The following OSBPL9 variants were observed in gnomAD, a reference collection of about 807,000 sequenced individuals.
OSBPL9 encodes the protein oxysterol-binding protein-related protein 9.
Under a neutral mutation model 106.6 loss-of-function variants are expected in OSBPL9, and 40 were observed. That is an observed-to-expected ratio of 0.38 (90% confidence interval 0.29 to 0.49). The LOEUF (loss-of-function observed/expected upper bound fraction) is 0.49. Ranked by LOEUF, OSBPL9 falls within the 20% of genes least tolerant of loss-of-function variation. The probability of loss-of-function intolerance (pLI) is 0.97; values close to 1 mark genes in which losing one functional copy is unlikely to be tolerated. For missense variants in OSBPL9, 609 were observed against 887.2 expected, an observed-to-expected ratio of 0.69 and a Z score of 3.98; for synonymous variants, 269 against 295.4, an observed-to-expected ratio of 0.91 and a Z score of 0.92.
intron 21 of OSBPL9, 182 bp from the exon 22 acceptor site, chr1:51,786,344 C>T: frequency 1.9e-6 from 1 of 539,350 alleles, no homozygotes; most frequent in Non-Finnish European, 3.3e-6. Context: ...AGAACTTGCA[C>T]TCTGTACTAC....
chr1:51,712,325 A>G (rs1660225884), intron 3 of OSBPL9, among the ~76,000 whole-genome samples: 3 of 152,266 alleles, frequency 2.0e-5, no homozygotes, highest in Admixed American at 6.5e-5. Flanking sequence ...TCAGGCAGGG[A>G]GGTTGCAGTG....
intron 1 of OSBPL9, among the ~76,000 whole-genome samples, chr1:51,592,300 A>G (rs985873236): frequency 7.2e-5 from 11 of 151,918 alleles, no homozygotes; most frequent in South Asian, 4.1e-4. Flanking sequence ...ATTTTTTAGT[A>G]GAGACAGGGT....
rs112618361 is a variant in OSBPL9 at position 51,589,152 on chromosome 1, G to A, written c.-422-8972G>A. On this transcript the variant is annotated intron_variant, in intron 1 of 25. Transcript: ENST00000371714. ...CACCCAGGCTGGAGTGCAGTGGCACGATCTCAACTCACTGCAGCCTTGAAC... is the reference window on the plus strand; with the variant it reads ...CACCCAGGCTGGAGTGCAGTGGCACAATCTCAACTCACTGCAGCCTTGAAC... 7.3e-3 allele frequency among the ~76,000 whole-genome samples: 1,105 copies of A among 151,634 alleles called. 12 individuals carry two copies. Among genetic ancestry groups the A allele is most frequent in the African/African-American group, 0.026 (1,059 of 41,296 alleles).
At chr1:51,535,027 C>A in the OSBPL9 span, among the ~76,000 whole-genome samples, 1 of 152,316 alleles carries the variant, frequency 6.6e-6, no homozygotes, top group East Asian at 1.9e-4. Context: ...TATAACTTAT[C>A]TTGGGCTTTT....
At chr1:51,753,425 T>C (rs1251925518) in intron 8 of OSBPL9, among the ~76,000 whole-genome samples, 1 of 152,184 alleles carries the variant, frequency 6.6e-6, no homozygotes, top group Non-Finnish European at 1.5e-5. Flanking sequence ...AAATAAGTGT[T>C]TATTAAATTT....
the OSBPL9 span, among the ~76,000 whole-genome samples, chr1:51,559,217 G>A: frequency 6.6e-6 from 1 of 151,902 alleles, no homozygotes; most frequent in East Asian, 1.9e-4. Context: ...TCTCCATACT[G>A]AGAGTCACTT....
At chr1:51,665,760 G>T (rs1648309223) in intron 2 of OSBPL9, among the ~76,000 whole-genome samples, 1 of 152,154 alleles carries the variant, frequency 6.6e-6, no homozygotes, top group Non-Finnish European at 1.5e-5. Context: ...AAAGTGCAAA[G>T]GTCCAGAAAG....
intron 15 of OSBPL9, among the ~76,000 whole-genome samples, chr1:51,778,994 A>G (rs1314102534): frequency 2.0e-5 from 3 of 152,254 alleles, no homozygotes; most frequent in Admixed American, 2.0e-4. Context: ...TTATTTGGCA[A>G]TTAAGCAATG....
rs1678234469 is a variant in OSBPL9 at position 51,788,488 on chromosome 1, T to G, written c.*699T>G. 6.6e-6 allele frequency: 1 copy of G among 152,628 alleles called. No individual in the cohort carries two copies. The highest frequency in any genetic ancestry group is 2.4e-5 in the African/African-American group (1 of 41,452). 9.5% of individuals were successfully genotyped at this position (152,628 alleles called of 1,614,324 possible). A position where few individuals can be genotyped will look rare whatever the true frequency, so the allele number is the denominator to read the frequency against. On this transcript the variant is annotated 3_prime_UTR_variant, in exon 24 of 24. Transcript: ENST00000428468. ...TTAAAAATGTGCATCTTTTATTATC[T>G]TTTATGGTTAAACTTGGAAGCCAAT...
rs776000298 is a variant in OSBPL9, at chr1:51,772,690, G to A, written c.1137G>A (p.Leu379=). The change falls in exon 14 of 24, where the codon TTG becomes TTA. Residue 379 remains leucine, a synonymous_variant. Coordinates refer to ENST00000428468, the MANE Select transcript of OSBPL9 (RefSeq NM_024586.6). Reference sequence around the variant, plus strand: ...ACAAGAGCGTTATCATGCATCTCTTGTCGCAGGTTAGACTTGGAATGGATC... The same window carrying A: ...ACAAGAGCGTTATCATGCATCTCTTATCGCAGGTTAGACTTGGAATGGATC... ...EEHKSVIMHL[L]SQVRLGMDLT... is the part of the protein sequence containing the mutation. 4 of 1,614,184 alleles carry A rather than the reference G, an allele frequency of 2.5e-6. No individual in the cohort carries two copies. The highest frequency in any genetic ancestry group is 3.4e-6 in the Non-Finnish European group (4 of 1,180,028).
chr1:51,586,615 A>G (rs901535362), intron 1 of OSBPL9, among the ~76,000 whole-genome samples: 2 of 152,228 alleles, frequency 1.3e-5, no homozygotes, highest in Admixed American at 6.5e-5. Flanking sequence ...GATATGTACA[A>G]TTTTAAGGCT....
At chr1:51,612,279 T>A (rs1272681816), upstream of OSBPL9, among the ~76,000 whole-genome samples, 2 of 152,244 alleles carry the variant, frequency 1.3e-5, no homozygotes, top group South Asian at 2.1e-4. Context: ...CATTTTGTCC[T>A]CAGTTTTGCT....
chr1:51,630,480 A>G (rs1645038823), intron 1 of OSBPL9, among the ~76,000 whole-genome samples: 1 of 151,902 alleles, frequency 6.6e-6, no homozygotes, highest in Non-Finnish European at 1.5e-5. Context: ...ATCTAAATGT[A>G]TCTAAGCATA....
At chr1:51,703,713 G>T (rs1373535833) in intron 3 of OSBPL9, among the ~76,000 whole-genome samples, 1 of 152,112 alleles carries the variant, frequency 6.6e-6, no homozygotes. Context: ...TCCCTGTCTT[G>T]TGCCAGTTTT....
chr1:51,532,184 A>G, the OSBPL9 span, among the ~76,000 whole-genome samples: 1 of 152,232 alleles, frequency 6.6e-6, no homozygotes, highest in Non-Finnish European at 1.5e-5. Context: ...CAAGAAAAAC[A>G]GATAATTCTC....
the OSBPL9 span, among the ~76,000 whole-genome samples, chr1:51,559,635 A>G: frequency 1.4e-4 from 22 of 152,318 alleles, no homozygotes; most frequent in East Asian, 4.2e-3. Flanking sequence ...AATTCTTCAA[A>G]TACTAAGGTT....
At chr1:51,632,068 C>T (rs959567548) in intron 1 of OSBPL9, among the ~76,000 whole-genome samples, 2 of 152,016 alleles carry the variant, frequency 1.3e-5, no homozygotes, top group African/African-American at 4.8e-5. Flanking sequence ...GAAGGACCTA[C>T]CTGAGGCTGT....
the OSBPL9 span, chr1:51,519,391 T>C: frequency 4.7e-4 from 110 of 234,822 alleles, no homozygotes; most frequent in East Asian, 7.5e-4. Flanking sequence ...CCGCCCCGCC[T>C]GGCCCCGCCC....
chr1:51,626,014 G>A (rs1204179877), intron 1 of OSBPL9, among the ~76,000 whole-genome samples: 2 of 152,012 alleles, frequency 1.3e-5, no homozygotes, highest in African/African-American at 4.8e-5. Context: ...TTCCATTGAG[G>A]CCCCATGATA....
Sources: allele counts gnomAD v4.1 joint callset (sites outside exome capture counted in the v4.1 genomes callset), GRCh38; gene constraint gnomAD v4.1.1; transcripts MANE v1.5; gene names NCBI Gene and HGNC (gene_info 2026-07-23, HGNC 2026-07-21).